The following UGT1A4 variants were observed in gnomAD, a reference collection of about 807,000 sequenced individuals.
UGT1A4 encodes UDP glucuronosyltransferase family 1 member A4.
A neutral mutation model predicts 41.1 loss-of-function variants in UGT1A4; 32 were observed. The observed-to-expected ratio is 0.78, with a 90% confidence interval of 0.59 to 1.05. The LOEUF (loss-of-function observed/expected upper bound fraction) is 1.05, where lower values mean the gene tolerates loss of function less well. Among genes scored for constraint, UGT1A4 ranks in the 50% least tolerant of loss-of-function variants. The pLI, the probability that UGT1A4 is intolerant of heterozygous loss-of-function variation, is 0.00. For missense variants in UGT1A4, 748 were observed against 677.4 expected, an observed-to-expected ratio of 1.10 and a Z score of -1.16; for synonymous variants, 283 against 265.1, an observed-to-expected ratio of 1.07 and a Z score of -0.66.
rs569317540 is a variant in UGT1A4 at position 233,719,363 on chromosome 2, C to T, written c.543C>T (p.Asp181=). 1 of 1,613,942 alleles carries T rather than the reference C, an allele frequency of 6.2e-7. No homozygotes were observed. Among genetic ancestry groups the T allele is most frequent in the Non-Finnish European group, 8.5e-7 (1 of 1,179,870 alleles). ...FFWRYIPCDL[D]FKGTQCPNPS... is the part of the protein sequence containing the mutation. Reference sequence around the variant, plus strand: ...GGAGGTACATTCCATGTGACTTAGACTTTAAGGGCACACAGTGTCCAAATC... The same window carrying T: ...GGAGGTACATTCCATGTGACTTAGATTTTAAGGGCACACAGTGTCCAAATC... The change falls in exon 1 of 5, where the codon GAC becomes GAT. Residue 181 remains aspartate, a synonymous_variant. Coordinates refer to ENST00000373409, the MANE Select transcript of UGT1A4 (RefSeq NM_007120.3).
chr2:233,729,081 G>A lies in UGT1A4; in HGVS notation c.867+9394G>A, dbSNP rs376039648. 312 of 1,612,238 alleles carry A rather than the reference G, an allele frequency of 1.9e-4. No individual in the cohort carries two copies. The African/African-American group carries it at 3.8e-3, about 20-fold the overall frequency. On this transcript the variant is annotated intron_variant, in intron 1 of 4. Coordinates refer to ENST00000373409, the MANE Select transcript of UGT1A4 (RefSeq NM_007120.3). ...TAAGATGAAGAAAGCAAATGTAGCAGGCACAGCGTGGGGTGGACAGTCAGC... is the reference window on the plus strand; with the variant it reads ...TAAGATGAAGAAAGCAAATGTAGCAAGCACAGCGTGGGGTGGACAGTCAGC...
Position 233,760,912 on chromosome 2 carries a change from C to G in UGT1A4, c.868-6122C>G, listed in dbSNP as rs72551343. On this transcript the variant is annotated intron_variant, in intron 1 of 4. Transcript: ENST00000373409. ...TTCAGATCACATGACCTTCCTGCAG[C>G]GGGTGAAGAACATGCTCATTGCCTT... The G allele has an allele frequency of 6.2e-7, 1 of 1,614,070 alleles. No individual in the cohort carries two copies. The highest frequency in any genetic ancestry group is 1.3e-5 in the African/African-American group (1 of 74,930).
At chr2:233,746,798 G>A (rs1477118047) in intron 1 of UGT1A4, among the ~76,000 whole-genome samples, 2 of 151,768 alleles carry the variant, frequency 1.3e-5, no homozygotes, top group East Asian at 1.9e-4. Context: ...ATTCATGAGC[G>A]TGAATGTGGA....
chr2:233,760,155 C>T (rs2125979369), intron 1 of UGT1A4: 1 of 1,487,916 alleles, frequency 6.7e-7, no homozygotes, highest in Admixed American at 2.1e-5. Flanking sequence ...GAACTCCCTG[C>T]TACCTTTGTG....
intron 1 of UGT1A4, among the ~76,000 whole-genome samples, chr2:233,754,048 T>C (rs1329917116): frequency 6.6e-6 from 1 of 152,254 alleles, no homozygotes; most frequent in Non-Finnish European, 1.5e-5. Flanking sequence ...TTGCCAGGTT[T>C]ACCTGCTTTT....
At chr2:233,742,268 G>C (rs1474936757) in intron 1 of UGT1A4, among the ~76,000 whole-genome samples, 3 of 152,000 alleles carry the variant, frequency 2.0e-5, no homozygotes, top group African/African-American at 7.3e-5. Flanking sequence ...CAGCAAGCCT[G>C]TGATAAGCAT....
intron 1 of UGT1A4, among the ~76,000 whole-genome samples, chr2:233,761,510 A>C (rs1161669580): frequency 6.6e-6 from 1 of 152,248 alleles, no homozygotes. Flanking sequence ...TCAGTCAGGC[A>C]GGCAATGTTC....
chr2:233,722,246 G>A (rs1029128389), intron 1 of UGT1A4, among the ~76,000 whole-genome samples: 1 of 152,176 alleles, frequency 6.6e-6, no homozygotes, highest in East Asian at 1.9e-4. Context: ...TATTATCTGT[G>A]ACAGACACGC....
In UGT1A4 at chr2:233,729,706, A is replaced by G. The variant is rs765358278; in HGVS notation, c.867+10019A>G. 8 of 1,613,874 alleles carry G rather than the reference A, an allele frequency of 5.0e-6. No homozygotes were observed. The East Asian group carries it at 1.6e-4, about 31-fold the overall frequency. ...ACAGTGTCCAAACCCTTCCTCCTAT[A>G]TTCCTAGATTACTAACAACCAATTC... On this transcript the variant is annotated intron_variant, in intron 1 of 4. Transcript: ENST00000373409.
chr2:233,751,206 C>G (rs1365392073), intron 1 of UGT1A4, among the ~76,000 whole-genome samples: 1 of 151,962 alleles, frequency 6.6e-6, no homozygotes, highest in Non-Finnish European at 1.5e-5. Flanking sequence ...AATTTTGGAG[C>G]TTTAAGATTT....
chr2:233,772,778 T>C lies in UGT1A4; in HGVS notation c.*219T>C. The C allele has an allele frequency of 5.4e-6, 7 of 1,295,644 alleles. No individual in the cohort carries two copies. The highest frequency in any genetic ancestry group is 7.1e-6 in the Non-Finnish European group (7 of 982,368). The allele number at this position is 1,295,644 out of a possible 1,614,324, so 80.3% of individuals were successfully genotyped here. On this transcript the variant is annotated 3_prime_UTR_variant, in exon 5 of 5. Coordinates refer to ENST00000373409, the MANE Select transcript of UGT1A4 (RefSeq NM_007120.3). Reference sequence around the variant, plus strand: ...ATGTATCGTGCCCCCTCTGGTGTCTTTGATCAGGATGACATGTGCCATTTT... The same window carrying C: ...ATGTATCGTGCCCCCTCTGGTGTCTCTGATCAGGATGACATGTGCCATTTT...
intron 1 of UGT1A4, among the ~76,000 whole-genome samples, chr2:233,748,714 G>C (rs1019061059): frequency 6.6e-6 from 1 of 151,630 alleles, no homozygotes; most frequent in Non-Finnish European, 1.5e-5. Flanking sequence ...TTGGGGTCTG[G>C]TGCATGATGT....
intron 1 of UGT1A4, among the ~76,000 whole-genome samples, chr2:233,726,123 A>C (rs2125717570): frequency 6.6e-6 from 1 of 152,290 alleles, no homozygotes; most frequent in South Asian, 2.1e-4. Flanking sequence ...CCATGTTCAC[A>C]CCACCTCACT....
In UGT1A4 at chr2:233,768,537, T is replaced by C; in HGVS notation, c.1307+98T>C. ...TTACGTAGCATTTAATAGCGTTGTT[T>C]CAAATATAAAAACAAATACATAAAA... On this transcript the variant is annotated intron_variant, in intron 4 of 4. Transcript: ENST00000373409. 2.0e-6 allele frequency: 3 copies of C among 1,499,906 alleles called. No individual in the cohort carries two copies. The South Asian group carries it at 4.0e-5, about 20-fold the overall frequency. The allele number at this position is 1,499,906 out of a possible 1,614,324, so 92.9% of individuals were successfully genotyped here.
At chr2:233,761,289 C>G in intron 1 of UGT1A4, 1 of 1,541,658 alleles carries the variant, frequency 6.5e-7, no homozygotes, top group Non-Finnish European at 8.8e-7. Context: ...ATTTTTGACT[C>G]CTAGGTTTGA....
chr2:233,747,846 A>G, intron 1 of UGT1A4: 1 of 1,613,572 alleles, frequency 6.2e-7, no homozygotes, highest in Non-Finnish European at 8.5e-7. Context: ...GCAAAGGGTC[A>G]AGAACATGCT....
At chr2:233,747,724 T>G in intron 1 of UGT1A4, 1 of 1,613,440 alleles carries the variant, frequency 6.2e-7, no homozygotes, top group Admixed American at 1.7e-5. Flanking sequence ...CCTGCTGTGT[T>G]TTTTTTGAGG....
rs2076727897 is a variant in UGT1A4, at chr2:233,719,116, G to C, written c.296G>C (p.Gly99Ala). The change falls in exon 1 of 5, where the codon GGG becomes GCG. Residue 99 changes from glycine (G) to alanine (A), a missense_variant. Gly to Ala is a moderately conservative substitution (Grantham distance 60). Coordinates refer to ENST00000373409, the MANE Select transcript of UGT1A4 (RefSeq NM_007120.3). Reference sequence around the variant, plus strand: ...CGCGTTACGCTGGGCTACACTCAAGGGTTCTTTGAAACAGAACATCTTCTG... The same window carrying C: ...CGCGTTACGCTGGGCTACACTCAAGCGTTCTTTGAAACAGAACATCTTCTG... The part of the protein sequence containing the change: ...FDRVTLGYTQ[G>A]FFETEHLLKR... 4 of 1,614,102 alleles carry C rather than the reference G, an allele frequency of 2.5e-6. No homozygotes were observed. In the African/African-American group the frequency reaches 5.3e-5, roughly 22 times the overall value.
At chr2:233,759,773 G>A (rs1199686536) in intron 1 of UGT1A4, among the ~76,000 whole-genome samples, 1 of 152,142 alleles carries the variant, frequency 6.6e-6, no homozygotes, top group African/African-American at 2.4e-5. Context: ...AATATTGTTG[G>A]ACGAAGGAAT....
Sources: gnomAD v4.1 joint callset for allele counts (sites outside exome capture counted in the v4.1 genomes callset) on GRCh38, gnomAD v4.1.1 for gene constraint, MANE v1.5 for transcripts, NCBI Gene and HGNC (gene_info 2026-07-23, HGNC 2026-07-21) for gene names.